The following RBFA variants were observed in gnomAD, a reference collection of about 807,000 sequenced individuals.
The protein encoded by RBFA is ribosome binding factor A.
Under a neutral mutation model 27.9 loss-of-function variants are expected in RBFA, and 16 were observed. That is an observed-to-expected ratio of 0.57 (90% CI 0.39 to 0.87). RBFA has a LOEUF of 0.87. Ranked by LOEUF, RBFA falls within the 40% of genes least tolerant of loss-of-function variation. The pLI, the probability that RBFA is intolerant of heterozygous loss-of-function variation, is 0.00. For missense variants in RBFA, 456 were observed against 432.1 expected, an observed-to-expected ratio of 1.06 and a Z score of -0.49; for synonymous variants, 181 against 181.0, an observed-to-expected ratio of 1.00 and a Z score of 0.00.
intron 3 of RBFA, among the ~76,000 whole-genome samples, chr18:80,037,994 GTGTC>G (rs913627569): frequency 8.7e-4 from 133 of 152,346 alleles, no homozygotes; most frequent in African/African-American, 3.1e-3. Context: ...CAGATGGTGA[GTGTC>G]TGTGCTGTGC....
chr18:80,034,761 G>T (rs901412523), intron 1 of RBFA, 108 bp downstream of exon 1: 8 of 1,375,960 alleles, frequency 5.8e-6, no homozygotes, highest in Non-Finnish European at 7.0e-6. Flanking sequence ...GGCCTAGCTC[G>T]CCAGTTCCTG....
In RBFA at chr18:80,037,382, C is replaced by G. The variant is rs752539637; in HGVS notation, c.254C>G (p.Thr85Ser). The part of the protein sequence containing the change: ...EFLMRSTSKK[T>S]RKEDHARLRA... ...CTCATGAGGAGCACCTCAAAGAAAA[C>G]CAGGAAGGAAGACCATGCGCGCCTG... Residue 85 changes from threonine to serine, a missense_variant, in exon 3 of 7, where the codon ACC becomes AGC. Thr to Ser is a moderately conservative substitution (Grantham distance 58). Transcript: ENST00000306735. 2 of 1,614,046 alleles carry G rather than the reference C, an allele frequency of 1.2e-6. No homozygotes were observed. Among genetic ancestry groups the G allele is most frequent in the Admixed American group, 1.7e-5 (1 of 60,028 alleles).
In RBFA at chr18:80,046,074, C is replaced by T. The variant is rs1166350323; in HGVS notation, c.951C>T (p.Ala317=). The change falls in exon 7 of 7, where the codon GCC becomes GCT. Residue 317 remains alanine, a synonymous_variant. Transcript: ENST00000306735. ...LVGAPEYECY[A]PDTEELEAER... is the part of the protein sequence containing the mutation. ...GTGCCCCGGAGTACGAATGCTATGC[C>T]CCGGACACAGAGGAGTTGGAGGCAG... The T allele has an allele frequency of 6.2e-7, 1 of 1,614,042 alleles. No individual in the cohort carries two copies. Among genetic ancestry groups the T allele is most frequent in the Admixed American group, 1.7e-5 (1 of 60,002 alleles).
intron 4 of RBFA, among the ~76,000 whole-genome samples, chr18:80,040,905 A>G (rs2052012085): frequency 6.6e-6 from 1 of 152,208 alleles, no homozygotes; most frequent in Non-Finnish European, 1.5e-5. Context: ...GCTGAGCTGG[A>G]TGATAATAAA....
At chr18:80,038,362 C>T in intron 3 of RBFA, 143 bp from the exon 4 acceptor site, 1 of 601,154 alleles carries the variant, frequency 1.7e-6, no homozygotes, top group Non-Finnish European at 2.9e-6. Context: ...GGTGCGGCAG[C>T]AGGAGGTGGC....
chr18:80,045,681 T>G, intron 6 of RBFA, 93 bp from the exon 7 acceptor site: 8 of 1,385,372 alleles, frequency 5.8e-6, no homozygotes, highest in Non-Finnish European at 7.7e-6. Context: ...CGAGTAGATG[T>G]AGGAAGTGTG....
intron 6 of RBFA, 96 bp downstream of exon 6, chr18:80,044,381 G>A (rs2145149021): frequency 9.2e-7 from 1 of 1,091,244 alleles, no homozygotes. Context: ...CACATCCCGA[G>A]TAGCCTGCAT....
At chr18:80,042,327 G>C in intron 5 of RBFA, 108 bp downstream of exon 5, 1 of 556,506 alleles carries the variant, frequency 1.8e-6, no homozygotes, top group Non-Finnish European at 2.8e-6. Flanking sequence ...TGGCCTCAAG[G>C]GATCCTTCTG....
rs1195140414 is a variant in RBFA, at chr18:80,047,372, C to T, written c.*1217C>T. 6.6e-6 allele frequency: 1 copy of T among 152,344 alleles called. No homozygotes were observed. Among genetic ancestry groups the T allele is most frequent in the Non-Finnish European group, 1.5e-5 (1 of 68,134 alleles). 9.4% of individuals were successfully genotyped at this position (152,344 alleles called of 1,614,324 possible). A position where few individuals can be genotyped will look rare whatever the true frequency, so the allele number is the denominator to read the frequency against. On this transcript the variant is annotated 3_prime_UTR_variant, in exon 7 of 7. Transcript: ENST00000306735. ...CCAGGCCACGTGCTGCAGACAGCGG[C>T]TGTGGGCGAGTGATGAGGCCACTAC... is the stretch of plus-strand genomic sequence containing the variant.
chr18:80,047,117 A>G lies in RBFA; in HGVS notation c.*962A>G, dbSNP rs2052060758. The G allele has an allele frequency of 6.6e-6, 1 of 152,216 alleles. No individual in the cohort carries two copies. The highest frequency in any genetic ancestry group is 2.4e-5 in the African/African-American group (1 of 41,434). 9.4% of individuals were successfully genotyped at this position (152,216 alleles called of 1,614,324 possible). A position where few individuals can be genotyped will look rare whatever the true frequency, so the allele number is the denominator to read the frequency against. ...CACTACGAGTCAGTGTCATCCCTCCAAGCCCTGGCTCTCTGCCAGTGCAGC... is the reference window on the plus strand; with the variant it reads ...CACTACGAGTCAGTGTCATCCCTCCGAGCCCTGGCTCTCTGCCAGTGCAGC... On this transcript the variant is annotated 3_prime_UTR_variant, in exon 7 of 7. Transcript: ENST00000306735.
rs2052083579 is a variant in RBFA at position 80,049,731 on chromosome 18, G to A, written c.*3576G>A. Among the ~76,000 whole-genome samples, 1 of 152,226 alleles carries A rather than the reference G, an allele frequency of 6.6e-6. No individual in the cohort carries two copies. The highest frequency in any genetic ancestry group is 2.1e-4 in the South Asian group (1 of 4,832). On this transcript the variant is annotated 3_prime_UTR_variant, in exon 7 of 7. Coordinates refer to ENST00000306735, the MANE Select transcript of RBFA (RefSeq NM_024805.3). ...CTTGGTAATGCAGATGGCCCAGTAAGCAACTCTACAAACATTAGAACATTT... is the reference window on the plus strand; with the variant it reads ...CTTGGTAATGCAGATGGCCCAGTAAACAACTCTACAAACATTAGAACATTT...
chr18:80,040,230 G>C (rs935321120), intron 4 of RBFA, among the ~76,000 whole-genome samples: 1 of 127,152 alleles, frequency 7.9e-6, no homozygotes, highest in African/African-American at 2.9e-5. Flanking sequence ...ACATAACTGG[G>C]AGGCCTGAAT....
At position 80,036,683 on chromosome 18, in the gene RBFA, T is replaced by C. The variant is rs1182796411; in HGVS notation, c.174T>C (p.Tyr58=). ...CTCCCCAAAGAAAAAAGGTTTGGTA[T>C]GAAAGTCCTTCCTTGGGTTCTCACT... The part of the protein sequence containing the change: ...FASKTKKKVW[Y]ESPSLGSHST... Residue 58 remains tyrosine, a synonymous_variant, in exon 2 of 7, where the codon TAT becomes TAC. Coordinates refer to ENST00000306735, the MANE Select transcript of RBFA (RefSeq NM_024805.3). The C allele has an allele frequency of 6.2e-7, 1 of 1,612,842 alleles. No homozygotes were observed. Among genetic ancestry groups the C allele is most frequent in the Admixed American group, 1.7e-5 (1 of 59,986 alleles).
chr18:80,039,838 G>T (rs559947966), intron 4 of RBFA, among the ~76,000 whole-genome samples: 5 of 152,358 alleles, frequency 3.3e-5, no homozygotes, highest in Admixed American at 3.3e-4. Context: ...GTGTGAGCCA[G>T]ATGGTGAGTT....
Position 80,038,606 on chromosome 18 carries a change from C to T in RBFA, c.480C>T (p.Ala160=), listed in dbSNP as rs150078943. ...AHMEAVLQRS[A]AHMRHLLMSQ... is the part of the protein sequence containing the mutation. ...TGGAGGCTGTCCTGCAGAGAAGTGC[C>T]GCGCACATGAGGTGATGACCTTTGC... The change falls in exon 4 of 7, where the codon GCC becomes GCT. Residue 160 remains alanine, a synonymous_variant. Coordinates refer to ENST00000306735, the MANE Select transcript of RBFA (RefSeq NM_024805.3). 128 of 1,612,452 alleles carry T rather than the reference C, an allele frequency of 7.9e-5. 1 individual carries two copies. The East Asian group carries it at 2.5e-3, about 32-fold the overall frequency.
At position 80,042,316 on chromosome 18, in the gene RBFA, C is replaced by G. The variant is rs900481786; in HGVS notation, c.576+97C>G. 5.9e-6 allele frequency: 4 copies of G among 679,512 alleles called. No individual in the cohort carries two copies. In the African/African-American group the frequency reaches 7.4e-5, roughly 13 times the overall value. 42.1% of individuals were successfully genotyped at this position (679,512 alleles called of 1,614,324 possible). On this transcript the variant is annotated intron_variant, in intron 5 of 6. Transcript: ENST00000306735. ...TATTGTCCAGGCTAGTCTTGAACTC[C>G]TGGCCTCAAGGGATCCTTCTGTCTC... is the stretch of plus-strand genomic sequence containing the variant.
intron 3 of RBFA, 65 bp downstream of exon 3, chr18:80,037,571 G>A: frequency 7.1e-7 from 1 of 1,408,078 alleles, no homozygotes; most frequent in Non-Finnish European, 9.7e-7. Context: ...ACTTTACCTG[G>A]CCCAGTCTTG....
At chr18:80,043,437 G>A (rs1247287452) in intron 5 of RBFA, among the ~76,000 whole-genome samples, 1 of 152,236 alleles carries the variant, frequency 6.6e-6, no homozygotes, top group Non-Finnish European at 1.5e-5. Context: ...CTGCCGTAAG[G>A]AATCAGGGAC....
At chr18:80,044,375 T>A in intron 6 of RBFA, 90 bp downstream of exon 6, 3 of 1,143,318 alleles carry the variant, frequency 2.6e-6, no homozygotes, top group Non-Finnish European at 4.0e-6. Context: ...CAGCGCCACA[T>A]CCCGAGTAGC....
Sources: gnomAD v4.1 joint callset for allele counts (sites outside exome capture counted in the v4.1 genomes callset) on GRCh38, gnomAD v4.1.1 for gene constraint, MANE v1.5 for transcripts, NCBI Gene and HGNC (gene_info 2026-07-23, HGNC 2026-07-21) for gene names.